Variants in MARCHF1 observed in about 807,000 individuals in gnomAD.
MARCHF1 encodes E3 ubiquitin-protein ligase MARCHF1.
MARCHF1 carries 40 observed loss-of-function variants against 54.2 expected under a neutral mutation model. The ratio of observed to expected loss-of-function variants is 0.74; its 90% CI spans 0.57 to 0.96. The LOEUF (loss-of-function observed/expected upper bound fraction) is 0.96. Among genes scored for constraint, MARCHF1 ranks in the 40% least tolerant of loss-of-function variants. The pLI is 0.00. For missense variants in MARCHF1, 586 were observed against 656.5 expected, an observed-to-expected ratio of 0.89 and a Z score of 1.17; for synonymous variants, 236 against 236.3, an observed-to-expected ratio of 1.00 and a Z score of 0.01.
intron 1 of MARCHF1, among the ~76,000 whole-genome samples, chr4:164,210,054 C>T (rs1188259962): frequency 6.6e-6 from 1 of 151,916 alleles, no homozygotes; most frequent in Non-Finnish European, 1.5e-5. Context: ...TTGAACAGTA[C>T]AAAAGAAAGC....
intron 5 of MARCHF1, among the ~76,000 whole-genome samples, chr4:163,644,150 A>G (rs1209257269): frequency 1.3e-5 from 2 of 152,104 alleles, no homozygotes; most frequent in Admixed American, 6.6e-5. Flanking sequence ...TTTTAGGTAA[A>G]ATATTGTTTT....
chr4:164,140,092 T>C (rs976321156), intron 1 of MARCHF1, among the ~76,000 whole-genome samples: 1 of 151,988 alleles, frequency 6.6e-6, no homozygotes, highest in Non-Finnish European at 1.5e-5. Flanking sequence ...GGACTTCTAA[T>C]AGCACCAATA....
At chr4:164,325,075 G>A (rs185768244) in intron 1 of MARCHF1, among the ~76,000 whole-genome samples, 2 of 151,902 alleles carry the variant, frequency 1.3e-5, no homozygotes, top group Admixed American at 6.6e-5. Flanking sequence ...TAATCATATC[G>A]ATATTTTATT....
intron 1 of MARCHF1, among the ~76,000 whole-genome samples, chr4:164,116,994 ACGC>A (rs1312974936): frequency 6.6e-6 from 1 of 152,122 alleles, no homozygotes; most frequent in Non-Finnish European, 1.5e-5. Flanking sequence ...GTGCTGACTC[ACGC>A]CTGTAATGCC....
intron 1 of MARCHF1, among the ~76,000 whole-genome samples, chr4:164,291,794 G>C (rs369459160): frequency 1.4e-4 from 21 of 152,014 alleles, no homozygotes; most frequent in African/African-American, 5.1e-4. Context: ...AATCTTATGG[G>C]ACCACCCCTG....
intron 8 of MARCHF1, among the ~76,000 whole-genome samples, chr4:163,550,579 C>T (rs1313109650): frequency 1.3e-5 from 2 of 150,862 alleles, no homozygotes; most frequent in African/African-American, 4.9e-5. Flanking sequence ...TTCTTCCTGT[C>T]ATTTTGCATA....
At chr4:164,313,408 T>C (rs149001736) in intron 1 of MARCHF1, among the ~76,000 whole-genome samples, 9 of 151,076 alleles carry the variant, frequency 6.0e-5, no homozygotes, top group African/African-American at 1.9e-4. Context: ...ATCTGACTCC[T>C]TAAAAAACAG....
intron 2 of MARCHF1, among the ~76,000 whole-genome samples, chr4:164,064,317 T>A (rs2111075375): frequency 6.6e-6 from 1 of 152,328 alleles, no homozygotes; most frequent in South Asian, 2.1e-4. Context: ...TTCCATTTGT[T>A]TGTATCATCT....
rs1738106724 is a variant in MARCHF1 at position 163,526,391 on chromosome 4, A to G, written c.*2357T>C. The G allele has an allele frequency of 1.3e-5, 2 of 152,100 alleles. No homozygotes were observed. Among genetic ancestry groups the G allele is most frequent in the South Asian group, 2.1e-4 (1 of 4,828 alleles). The allele number at this position is 152,100 out of a possible 1,614,324, so 9.4% of individuals were successfully genotyped here. A position where few individuals can be genotyped will look rare whatever the true frequency, so the allele number is the denominator to read the frequency against. ...TTCAGAGCAAACAAAAGAGAAATCA[A>G]CATTTCTTTGTTTGCTGGTGTCTGG... On this transcript the variant is annotated 3_prime_UTR_variant, in exon 10 of 10. Transcript: ENST00000514618.
At chr4:163,885,104 A>G (rs1579364880) in intron 3 of MARCHF1, among the ~76,000 whole-genome samples, 2 of 152,208 alleles carry the variant, frequency 1.3e-5, no homozygotes, top group South Asian at 4.1e-4. Flanking sequence ...CATGCATGTA[A>G]CTATAAAGAA....
chr4:163,643,124 C>CCAA (rs974349275), intron 5 of MARCHF1, among the ~76,000 whole-genome samples: 1 of 147,074 alleles, frequency 6.8e-6, no homozygotes, highest in African/African-American at 2.5e-5. Context: ...ACCAGCCTGG[C>CCAA]CAACATGGTA....
At chr4:163,825,645 G>A (rs1013775542) in intron 4 of MARCHF1, among the ~76,000 whole-genome samples, 1 of 151,944 alleles carries the variant, frequency 6.6e-6, no homozygotes, top group Non-Finnish European at 1.5e-5. Flanking sequence ...TCTGACTAGT[G>A]TAAGATGGTA....
intron 9 of MARCHF1, among the ~76,000 whole-genome samples, chr4:163,536,532 G>A (rs1738534482): frequency 6.6e-6 from 1 of 152,114 alleles, no homozygotes; most frequent in African/African-American, 2.4e-5. Flanking sequence ...ACTGTGTCAT[G>A]CTATAATCTT....
chr4:163,650,483 TTGTC>T (rs1742925449), intron 5 of MARCHF1, among the ~76,000 whole-genome samples: 1 of 151,896 alleles, frequency 6.6e-6, no homozygotes. Context: ...CTTAGTTTCT[TTGTC>T]TGTAAAATAA....
intron 3 of MARCHF1, among the ~76,000 whole-genome samples, chr4:163,943,627 T>TA (rs1004360111): frequency 4.0e-5 from 6 of 150,184 alleles, no homozygotes; most frequent in Non-Finnish European, 8.9e-5. Flanking sequence ...TCAGGAAAAA[T>TA]AACTAATGGG....
At chr4:163,853,507 A>T (rs914333636) in intron 4 of MARCHF1, among the ~76,000 whole-genome samples, 2 of 152,212 alleles carry the variant, frequency 1.3e-5, no homozygotes, top group African/African-American at 4.8e-5. Context: ...CAAAACATGA[A>T]GGAGCACATT....
chr4:163,650,128 C>G (rs1293085779), intron 5 of MARCHF1, among the ~76,000 whole-genome samples: 2 of 151,836 alleles, frequency 1.3e-5, no homozygotes, highest in Non-Finnish European at 2.9e-5. Context: ...TGTTTATAAA[C>G]ACACGTATTT....
intron 1 of MARCHF1, among the ~76,000 whole-genome samples, chr4:164,185,874 G>T (rs1469696623): frequency 1.3e-5 from 2 of 151,902 alleles, no homozygotes; most frequent in Non-Finnish European, 1.5e-5. Context: ...TTTATTGAGG[G>T]TTTAATAAGA....
At chr4:164,175,608 A>G (rs1209852542) in intron 1 of MARCHF1, among the ~76,000 whole-genome samples, 1 of 152,236 alleles carries the variant, frequency 6.6e-6, no homozygotes, top group Non-Finnish European at 1.5e-5. Flanking sequence ...TCTAAAGTAA[A>G]GCAGATTACC....
Sources: gnomAD v4.1 joint callset for allele counts (sites outside exome capture counted in the v4.1 genomes callset) on GRCh38, gnomAD v4.1.1 for gene constraint, MANE v1.5 for transcripts, NCBI Gene and HGNC (gene_info 2026-07-23, HGNC 2026-07-21) for gene names.